Variants in CHD1L observed in about 807,000 individuals in gnomAD.
CHD1L encodes chromodomain helicase DNA binding protein 1 like.
In CHD1L, 118 loss-of-function variants were observed where a neutral mutation model predicts 115.9. The ratio of observed to expected loss-of-function variants is 1.02; its 90% confidence interval spans 0.88 to 1.19. CHD1L has a LOEUF of 1.19. CHD1L is among the 50% of genes most tolerant of loss of function. The probability of loss-of-function intolerance (pLI) is 0.00; values close to 1 mark genes in which losing one functional copy is unlikely to be tolerated. For synonymous variants in CHD1L, 411 were observed against 387.1 expected, an observed-to-expected ratio of 1.06 and a Z score of -0.72; for missense variants, 1,179 against 1,065.3, an observed-to-expected ratio of 1.11 and a Z score of -1.49.
chr1:147,260,021 TAC>T (rs1671398744), intron 6 of CHD1L, 103 bp downstream of exon 6: 3 of 883,536 alleles, frequency 3.4e-6, no homozygotes, highest in Non-Finnish European at 5.2e-6. Context: ...GAACAGAAAC[TAC>T]AGATGTTTCC....
the CHD1L span, among the ~76,000 whole-genome samples, chr1:147,218,191 G>C: frequency 3.2e-4 from 48 of 151,876 alleles, 1 homozygote; most frequent in East Asian, 8.9e-3. Context: ...AATGTTAAAT[G>C]TTCCCAAAAT....
At chr1:147,281,030 CTCTTT>C (rs1278427591) in intron 15 of CHD1L, among the ~76,000 whole-genome samples, 3 of 152,038 alleles carry the variant, frequency 2.0e-5, no homozygotes, top group Non-Finnish European at 4.4e-5. Flanking sequence ...TTTTGTAGTT[CTCTTT>C]TGTTTCTATA....
chr1:147,281,770 G>T (rs1553962053), intron 15 of CHD1L, among the ~76,000 whole-genome samples: 4 of 151,168 alleles, frequency 2.6e-5, no homozygotes, highest in Non-Finnish European at 1.5e-5. Flanking sequence ...CCATTGCATT[G>T]ACTTTTACTT....
At chr1:147,228,295 T>C in the CHD1L span, among the ~76,000 whole-genome samples, 1 of 152,086 alleles carries the variant, frequency 6.6e-6, no homozygotes, top group South Asian at 2.1e-4. Context: ...TTGCTGAGAA[T>C]GATGGTTTCC....
the CHD1L span, among the ~76,000 whole-genome samples, chr1:147,228,503 A>G: frequency 1.3e-5 from 2 of 152,232 alleles, no homozygotes; most frequent in Admixed American, 6.5e-5. Context: ...AGCATGATTT[A>G]TAATCCTTTG....
chr1:147,210,557 T>C, the CHD1L span: 15 of 152,204 alleles, frequency 9.9e-5, no homozygotes, highest in African/African-American at 1.4e-4. Flanking sequence ...ACAGTCACAG[T>C]TGAAAGAGCA....
At chr1:147,228,095 G>A in the CHD1L span, among the ~76,000 whole-genome samples, 24 of 151,712 alleles carry the variant, frequency 1.6e-4, 1 homozygote, top group African/African-American at 5.1e-4. Flanking sequence ...TGCCATGTTG[G>A]TGTGCAGCAC....
intron 4 of CHD1L, among the ~76,000 whole-genome samples, chr1:147,256,318 CAG>C (rs1225770538): frequency 6.6e-6 from 1 of 152,044 alleles, no homozygotes; most frequent in Non-Finnish European, 1.5e-5. Flanking sequence ...CAGTCTAAGA[CAG>C]TGTGTGCCAC....
At chr1:147,232,045 A>G in the CHD1L span, among the ~76,000 whole-genome samples, 1 of 152,038 alleles carries the variant, frequency 6.6e-6, no homozygotes, top group Non-Finnish European at 1.5e-5. Flanking sequence ...TGTAAACTAG[A>G]GCTGTTCCTA....
the CHD1L span, among the ~76,000 whole-genome samples, chr1:147,237,500 G>A: frequency 6.6e-6 from 1 of 152,116 alleles, no homozygotes; most frequent in Non-Finnish European, 1.5e-5. Flanking sequence ...CTGCAGCTGG[G>A]CAGCCACAGC....
upstream of CHD1L, chr1:147,242,677 G>A (rs932010178): frequency 7.9e-7 from 1 of 1,264,406 alleles, no homozygotes; most frequent in Admixed American, 3.7e-5. Context: ...GCGCTTGGCC[G>A]CGCGGGGCGG....
intron 19 of CHD1L, 123 bp downstream of exon 19, chr1:147,287,856 TTC>T (rs1683861812): frequency 1.4e-6 from 1 of 702,056 alleles, no homozygotes; most frequent in East Asian, 2.7e-5. Context: ...GGGGACTGAA[TTC>T]TGTCATAAAT....
the CHD1L span, chr1:147,209,124 C>T: frequency 7.3e-7 from 1 of 1,373,278 alleles, no homozygotes; most frequent in Non-Finnish European, 1.0e-6. Context: ...CCATTTTCTT[C>T]AAGAATCATT....
chr1:147,187,332 G>A, the CHD1L span: 1 of 900,328 alleles, frequency 1.1e-6, no homozygotes, highest in Non-Finnish European at 1.7e-6. Flanking sequence ...CCTGCTATTG[G>A]CTCAATATCA....
intron 5 of CHD1L, among the ~76,000 whole-genome samples, chr1:147,257,923 G>A (rs1001957375): frequency 6.6e-6 from 1 of 152,020 alleles, no homozygotes; most frequent in Non-Finnish European, 1.5e-5. Context: ...TCAGATAATC[G>A]GTTTTCAGTG....
chr1:147,284,706 T>A (rs1553964209), intron 16 of CHD1L, among the ~76,000 whole-genome samples: 1 of 152,178 alleles, frequency 6.6e-6, no homozygotes, highest in African/African-American at 2.4e-5. Flanking sequence ...GGAGAGAATA[T>A]ATTGTACGAT....
chr1:147,256,489 T>A (rs1175112864), intron 4 of CHD1L, 42 bp from the exon 5 acceptor site: 1 of 1,573,990 alleles, frequency 6.4e-7, no homozygotes, highest in African/African-American at 1.3e-5. Context: ...TATCAGAGTT[T>A]ATCAATGCCA....
intron 6 of CHD1L, chr1:147,260,864 C>T (rs1279036653): frequency 6.6e-6 from 1 of 151,998 alleles, no homozygotes; most frequent in African/African-American, 2.4e-5. Flanking sequence ...CCCTTTTTTC[C>T]GAGGAGTCAG....
the CHD1L span, chr1:147,215,906 A>T: frequency 6.2e-7 from 1 of 1,612,328 alleles, no homozygotes; most frequent in South Asian, 1.1e-5. Flanking sequence ...ATGATCACTG[A>T]TTTGTAAATA....
Sources: gnomAD v4.1 joint callset for allele counts (sites outside exome capture counted in the v4.1 genomes callset) on GRCh38, gnomAD v4.1.1 for gene constraint, MANE v1.5 for transcripts, NCBI Gene and HGNC (gene_info 2026-07-23, HGNC 2026-07-21) for gene names.